NELL2: variants seen among roughly 807,000 people sequenced by gnomAD.
The protein encoded by NELL2 is neural EGFL like 2, also known as protein kinase C-binding protein NELL2.
A neutral mutation model predicts 109.6 loss-of-function variants in NELL2; 41 were observed. That is an observed-to-expected ratio of 0.37 (90% confidence interval 0.29 to 0.49). The LOEUF (loss-of-function observed/expected upper bound fraction) is 0.49. Ranked by LOEUF, NELL2 falls within the 20% of genes least tolerant of loss-of-function variation. The pLI is 0.98. For synonymous variants in NELL2, 355 were observed against 344.7 expected, an observed-to-expected ratio of 1.03 and a Z score of -0.33; for missense variants, 900 against 1,008.3, an observed-to-expected ratio of 0.89 and a Z score of 1.45.
intron 18 of NELL2, 103 bp downstream of exon 18, chr12:44,521,897 C>G: frequency 1.8e-6 from 2 of 1,140,150 alleles, no homozygotes; most frequent in Non-Finnish European, 1.3e-6. Context: ...ACTGTCAACA[C>G]TGTGGCCTGG....
chr12:44,566,147 T>C (rs1417562773), intron 15 of NELL2, among the ~76,000 whole-genome samples: 1 of 152,148 alleles, frequency 6.6e-6, no homozygotes, highest in African/African-American at 2.4e-5. Context: ...AAAGCTAGTT[T>C]GAATTACAAA....
chr12:44,736,406 C>T (rs1939655771), intron 9 of NELL2, among the ~76,000 whole-genome samples: 1 of 152,024 alleles, frequency 6.6e-6, no homozygotes, highest in South Asian at 2.1e-4. Context: ...TACACAGAAA[C>T]TGCAAGGCAA....
In NELL2 at chr12:44,779,753, A is replaced by G; in HGVS notation, c.516T>C (p.Tyr172=). Residue 172 remains tyrosine, a synonymous_variant, in exon 5 of 20, where the codon TAT becomes TAC. Coordinates refer to ENST00000429094, the MANE Select transcript of NELL2 (RefSeq NM_001145108.2). ...LILHIDCNKI[Y]ERVVEKPSTD... is the part of the protein sequence containing the mutation. The stretch of plus-strand genomic sequence containing the variant: ...TGGAGGGCTTTTCTACTACCCTTTC[A>G]TAAATTCTGCAAAAAAGAAACATCA... The G allele has an allele frequency of 1.9e-6, 3 of 1,613,962 alleles. No individual in the cohort carries two copies. Among genetic ancestry groups the G allele is most frequent in the Non-Finnish European group, 2.5e-6 (3 of 1,179,854 alleles).
At chr12:44,763,175 T>C (rs1406623774) in intron 9 of NELL2, among the ~76,000 whole-genome samples, 1 of 152,168 alleles carries the variant, frequency 6.6e-6, no homozygotes, top group Admixed American at 6.5e-5. Flanking sequence ...ACAATGTGCA[T>C]CTTGTTCTAT....
chr12:44,539,246 T>C (rs1295264583), intron 15 of NELL2, among the ~76,000 whole-genome samples: 1 of 152,194 alleles, frequency 6.6e-6, no homozygotes, highest in Non-Finnish European at 1.5e-5. Context: ...TTTTCTCCCC[T>C]GTTCAAAAGC....
intron 12 of NELL2, among the ~76,000 whole-genome samples, chr12:44,671,244 T>C (rs892388686): frequency 5.3e-5 from 8 of 151,820 alleles, no homozygotes; most frequent in Non-Finnish European, 2.9e-5. Context: ...TCTAAGCAAA[T>C]GAAAATGAAA....
chr12:44,689,162 T>TC (rs1394320408), intron 12 of NELL2, among the ~76,000 whole-genome samples: 2 of 152,108 alleles, frequency 1.3e-5, no homozygotes. Flanking sequence ...ATACTGCCAC[T>TC]CCCCTCTACC....
chr12:44,810,180 C>T (rs1464961179), intron 3 of NELL2, among the ~76,000 whole-genome samples: 2 of 152,092 alleles, frequency 1.3e-5, no homozygotes, highest in Non-Finnish European at 2.9e-5. Flanking sequence ...CTCATTTCTT[C>T]ATCTACCAAA....
At chr12:44,894,999 A>C (rs1945577032) in intron 1 of NELL2, among the ~76,000 whole-genome samples, 1 of 152,240 alleles carries the variant, frequency 6.6e-6, no homozygotes, top group African/African-American at 2.4e-5. Flanking sequence ...ATATGCGACA[A>C]GTTGCTTGTG....
chr12:44,528,097 C>CAAAAAAAAAAAAAAAAAAA (rs71093812), intron 16 of NELL2, among the ~76,000 whole-genome samples: 13 of 22,004 alleles, frequency 5.9e-4, no homozygotes, highest in East Asian at 2.4e-3. Context: ...GACTCCGTCT[C>CAAAAAAAAAAAAAAAAAAA]AAAAAAAAAA....
chr12:44,798,703 T>G lies in NELL2; in HGVS notation c.335+17283A>C, dbSNP rs367595880. On this transcript the variant is annotated intron_variant, in intron 3 of 19. Coordinates refer to ENST00000429094, the MANE Select transcript of NELL2 (RefSeq NM_001145108.2). The stretch of plus-strand genomic sequence containing the variant: ...AAAAAAGCAAAATTTGGAGAACTTA[T>G]GCTACCACATCTAAAATTTTTAAAA... 3.5e-4 allele frequency among the ~76,000 whole-genome samples: 53 copies of G among 152,242 alleles called. 2 individuals carry two copies. In the South Asian group the frequency reaches 0.011, roughly 30 times the overall value.
At chr12:44,772,332 TC>T (rs1941583438) in intron 9 of NELL2, among the ~76,000 whole-genome samples, 1 of 152,168 alleles carries the variant, frequency 6.6e-6, no homozygotes, top group Non-Finnish European at 1.5e-5. Flanking sequence ...TATTGGTTTC[TC>T]CCACTTTTTT....
chr12:44,809,588 T>A (rs1943109400), intron 3 of NELL2, among the ~76,000 whole-genome samples: 1 of 152,064 alleles, frequency 6.6e-6, no homozygotes, highest in African/African-American at 2.4e-5. Flanking sequence ...ATTTTTAATA[T>A]CAGCCTCTAT....
At chr12:44,597,486 T>C (rs1235718250) in intron 15 of NELL2, among the ~76,000 whole-genome samples, 2 of 152,218 alleles carry the variant, frequency 1.3e-5, no homozygotes, top group Non-Finnish European at 2.9e-5. Flanking sequence ...CTTTTAATTA[T>C]AGGTTAAGTT....
intron 3 of NELL2, among the ~76,000 whole-genome samples, chr12:44,807,791 T>C (rs1943050645): frequency 1.3e-5 from 2 of 151,972 alleles, no homozygotes; most frequent in Admixed American, 6.6e-5. Context: ...AGAAATGATA[T>C]GGCAACACAG....
intron 9 of NELL2, among the ~76,000 whole-genome samples, chr12:44,767,355 T>G (rs1174683942): frequency 6.6e-6 from 1 of 152,180 alleles, no homozygotes; most frequent in Non-Finnish European, 1.5e-5. Context: ...AAACACCTAC[T>G]GAAACCCGGA....
At chr12:44,813,814 A>G (rs1943251873) in intron 3 of NELL2, among the ~76,000 whole-genome samples, 2 of 152,342 alleles carry the variant, frequency 1.3e-5, no homozygotes, top group East Asian at 1.9e-4. Context: ...ATTATTTTCA[A>G]TTGAAATAAA....
intron 3 of NELL2, among the ~76,000 whole-genome samples, chr12:44,793,475 GT>G (rs1942508267): frequency 6.6e-6 from 1 of 152,112 alleles, no homozygotes; most frequent in Admixed American, 6.6e-5. Flanking sequence ...GAACCCAATT[GT>G]TGCTATCATG....
At chr12:44,591,331 T>C (rs955731621) in intron 15 of NELL2, among the ~76,000 whole-genome samples, 4 of 152,152 alleles carry the variant, frequency 2.6e-5, no homozygotes, top group African/African-American at 9.7e-5. Context: ...CACCCCCATG[T>C]TTACTGCAGC....
Sources: gnomAD v4.1 joint callset for allele counts (sites outside exome capture counted in the v4.1 genomes callset) on GRCh38, gnomAD v4.1.1 for gene constraint, MANE v1.5 for transcripts, NCBI Gene and HGNC (gene_info 2026-07-23, HGNC 2026-07-21) for gene names.